PHACTR3: variants seen among roughly 807,000 people sequenced by gnomAD.
The protein encoded by PHACTR3 is phosphatase and actin regulator 3.
A neutral mutation model predicts 66.8 loss-of-function variants in PHACTR3; 16 were observed. That is an observed-to-expected ratio of 0.24 (90% confidence interval 0.16 to 0.36). The LOEUF (loss-of-function observed/expected upper bound fraction) is 0.36, where lower values mean the gene tolerates loss of function less well. Among genes scored for constraint, PHACTR3 ranks in the 10% least tolerant of loss-of-function variants. PHACTR3 has a pLI of 1.00. For missense variants in PHACTR3, 647 were observed against 719.9 expected (o/e 0.90, Z 1.16); for synonymous variants, 323 against 292.1 (o/e 1.11, Z -1.08).
intron 1 of PHACTR3, among the ~76,000 whole-genome samples, chr20:59,633,028 G>A (rs1052258770): frequency 2.6e-5 from 4 of 152,172 alleles, no homozygotes; most frequent in African/African-American, 9.7e-5. Context: ...ACGGGGGCAG[G>A]AAGGAGAGGA....
intron 1 of PHACTR3, among the ~76,000 whole-genome samples, chr20:59,706,040 C>G (rs1006318478): frequency 6.6e-6 from 1 of 152,198 alleles, no homozygotes; most frequent in Non-Finnish European, 1.5e-5. Flanking sequence ...CAGCAGGTGA[C>G]CTTCCAGAAG....
At position 59,604,770 on chromosome 20, in the gene PHACTR3, C is replaced by T. The variant is rs981727116; in HGVS notation, c.-245C>T. The stretch of plus-strand genomic sequence containing the variant: ...GAATAAACACGAATAAATAACAAAG[C>T]GAGGCCGCGCACGCCGGGATGCGCC... On this transcript the variant is annotated 5_prime_UTR_variant, in exon 1 of 13. Transcript: ENST00000371015. The T allele has an allele frequency of 1.4e-5, 16 of 1,179,654 alleles. No homozygotes were observed. The African/African-American group carries it at 2.5e-4, about 19-fold the overall frequency. The allele number at this position is 1,179,654 out of a possible 1,614,324, so 73.1% of individuals were successfully genotyped here.
At chr20:59,612,456 G>A (rs998612720) in intron 1 of PHACTR3, among the ~76,000 whole-genome samples, 2 of 151,916 alleles carry the variant, frequency 1.3e-5, no homozygotes, top group Non-Finnish European at 2.9e-5. Flanking sequence ...TGCCTGCCTG[G>A]TTCAAGCAAT....
At chr20:59,819,144 C>T (rs1414687573) in intron 8 of PHACTR3, among the ~76,000 whole-genome samples, 1 of 152,234 alleles carries the variant, frequency 6.6e-6, no homozygotes, top group East Asian at 1.9e-4. Flanking sequence ...GTGGCTCATT[C>T]CCGCAATCCC....
At chr20:59,797,016 C>T (rs1489734174) in intron 7 of PHACTR3, among the ~76,000 whole-genome samples, 1 of 152,086 alleles carries the variant, frequency 6.6e-6, no homozygotes, top group Admixed American at 6.6e-5. Context: ...TCATAAGTCC[C>T]ATAGGTTTTC....
At chr20:59,635,190 C>A (rs1271217320) in intron 1 of PHACTR3, among the ~76,000 whole-genome samples, 1 of 38,974 alleles carries the variant, frequency 2.6e-5, no homozygotes, top group Non-Finnish European at 5.2e-5. Flanking sequence ...TTCTTTCTTT[C>A]TTTCTCTTTC....
chr20:59,585,570 T>C (rs1023396575), intron 1 of PHACTR3, among the ~76,000 whole-genome samples: 2 of 152,212 alleles, frequency 1.3e-5, no homozygotes, highest in South Asian at 2.1e-4. Context: ...TAATGATCCA[T>C]CTGCTCCACC....
At chr20:59,590,457 C>T (rs961241993) in intron 1 of PHACTR3, among the ~76,000 whole-genome samples, 2 of 152,164 alleles carry the variant, frequency 1.3e-5, no homozygotes, top group Non-Finnish European at 2.9e-5. Context: ...ACCCAGCATT[C>T]GTGGTGCCTG....
intron 1 of PHACTR3, among the ~76,000 whole-genome samples, chr20:59,645,808 C>T (rs1221809326): frequency 6.6e-6 from 1 of 152,124 alleles, no homozygotes; most frequent in Non-Finnish European, 1.5e-5. Context: ...AACAGTCTCT[C>T]CCAGCATCTA....
At chr20:59,704,972 T>C (rs1442319081) in intron 1 of PHACTR3, among the ~76,000 whole-genome samples, 1 of 151,808 alleles carries the variant, frequency 6.6e-6, no homozygotes, top group African/African-American at 2.4e-5. Flanking sequence ...TTTTTTTTTT[T>C]TTGAGACAGG....
At chr20:59,826,707 C>G (rs1010017243) in intron 8 of PHACTR3, among the ~76,000 whole-genome samples, 23 of 152,160 alleles carry the variant, frequency 1.5e-4, no homozygotes, top group South Asian at 4.1e-4. Flanking sequence ...CTGCCTGTTA[C>G]GCCTGCTGTC....
At chr20:59,752,488 G>T (rs1356618884) in intron 3 of PHACTR3, among the ~76,000 whole-genome samples, 2 of 146,394 alleles carry the variant, frequency 1.4e-5, no homozygotes, top group African/African-American at 2.5e-5. Context: ...TGCCACCAGG[G>T]CTATTTTGGG....
chr20:59,706,847 C>A (rs2037723499), intron 1 of PHACTR3, among the ~76,000 whole-genome samples: 1 of 152,108 alleles, frequency 6.6e-6, no homozygotes. Context: ...TTGGTTCTTT[C>A]CTTTGCGATT....
At chr20:59,704,122 C>A (rs890167846) in intron 1 of PHACTR3, among the ~76,000 whole-genome samples, 2 of 152,220 alleles carry the variant, frequency 1.3e-5, no homozygotes, top group Non-Finnish European at 1.5e-5. Context: ...GCTAAGTAAC[C>A]CTCCAGAGAG....
intron 1 of PHACTR3, among the ~76,000 whole-genome samples, chr20:59,712,724 A>C (rs1279781438): frequency 2.0e-5 from 3 of 152,206 alleles, no homozygotes; most frequent in African/African-American, 7.2e-5. Flanking sequence ...GTATTTTTAG[A>C]AAACCTACAA....
intron 1 of PHACTR3, among the ~76,000 whole-genome samples, chr20:59,611,574 AAGGAGG>A (rs144094385): frequency 6.6e-6 from 1 of 152,050 alleles, no homozygotes; most frequent in East Asian, 1.9e-4. Context: ...ATGGTGGAGG[AAGGAGG>A]AGGAGGAGGA....
chr20:59,598,645 G>A (rs1485194040), intron 1 of PHACTR3, among the ~76,000 whole-genome samples: 1 of 152,216 alleles, frequency 6.6e-6, no homozygotes, highest in Admixed American at 6.5e-5. Context: ...TTTTTAAAAA[G>A]CCTTGGTTGG....
At chr20:59,819,140 C>T (rs1056033517) in intron 8 of PHACTR3, among the ~76,000 whole-genome samples, 1 of 152,132 alleles carries the variant, frequency 6.6e-6, no homozygotes, top group Admixed American at 6.5e-5. Context: ...CGCAGTGGCT[C>T]ATTCCCGCAA....
chr20:59,825,207 T>C (rs2042151979), intron 8 of PHACTR3, among the ~76,000 whole-genome samples: 1 of 152,204 alleles, frequency 6.6e-6, no homozygotes, highest in Non-Finnish European at 1.5e-5. Context: ...ATACTGCCTT[T>C]TGTACTCTGG....
Sources: allele counts gnomAD v4.1 joint callset (sites outside exome capture counted in the v4.1 genomes callset), GRCh38; gene constraint gnomAD v4.1.1; transcripts MANE v1.5; gene names NCBI Gene and HGNC (gene_info 2026-07-23, HGNC 2026-07-21).